Variants in PEAK1 observed in about 807,000 individuals in gnomAD.
PEAK1 encodes the protein pseudopodium enriched atypical kinase 1.
A neutral mutation model predicts 124.7 loss-of-function variants in PEAK1; 54 were observed. That is an observed-to-expected ratio of 0.43 (90% CI 0.35 to 0.54). PEAK1 has a LOEUF of 0.54. PEAK1 is among the 20% of genes least tolerant of loss of function. The pLI is 0.01. For missense variants in PEAK1, 2,046 were observed against 2,134.5 expected, an observed-to-expected ratio of 0.96 and a Z score of 0.82; for synonymous variants, 719 against 760.0, an observed-to-expected ratio of 0.95 and a Z score of 0.89.
chr15:77,334,362 AG>A, intron 2 of PEAK1: 1 of 985,088 alleles, frequency 1.0e-6, no homozygotes, highest in Non-Finnish European at 1.2e-6. Flanking sequence ...ACCAGAAGGA[AG>A]GCCTTTTATT....
At chr15:77,141,016 C>T (rs943760306) in intron 8 of PEAK1, among the ~76,000 whole-genome samples, 2 of 151,936 alleles carry the variant, frequency 1.3e-5, no homozygotes, top group South Asian at 2.1e-4. Flanking sequence ...TTCTATTCTA[C>T]GTTGTACAGG....
chr15:77,388,106 A>G (rs2070112392), intron 1 of PEAK1, among the ~76,000 whole-genome samples: 1 of 152,130 alleles, frequency 6.6e-6, no homozygotes, highest in Non-Finnish European at 1.5e-5. Flanking sequence ...AGGCAGGAGG[A>G]TCGCTTGAGC....
intron 1 of PEAK1, chr15:77,370,807 G>A (rs551484348): frequency 2.2e-4 from 192 of 859,888 alleles, no homozygotes; most frequent in Admixed American, 9.3e-4. Context: ...TGAAGCAGGC[G>A]GATAATGAGG....
intron 1 of PEAK1, chr15:77,418,730 T>C: frequency 3.0e-6 from 3 of 985,428 alleles, no homozygotes; most frequent in Non-Finnish European, 3.6e-6. Flanking sequence ...ATGGAAAGTT[T>C]TACCCCGGTG....
chr15:77,352,714 G>C, intron 2 of PEAK1: 1 of 954,338 alleles, frequency 1.0e-6, no homozygotes, highest in African/African-American at 1.8e-5. Context: ...GTTTCAAGAA[G>C]ATTTGAAATA....
At chr15:77,413,349 GA>G (rs2072570064) in intron 1 of PEAK1, among the ~76,000 whole-genome samples, 1 of 152,152 alleles carries the variant, frequency 6.6e-6, no homozygotes, top group Non-Finnish European at 1.5e-5. Context: ...TATGGGAAAG[GA>G]AAAATAGTAA....
chr15:77,178,368 T>C (rs941934734), intron 7 of PEAK1: 5 of 179,408 alleles, frequency 2.8e-5, no homozygotes, highest in African/African-American at 1.2e-4. Context: ...AACACCTTCA[T>C]AAAAAACAAA....
chr15:77,267,059 A>G (rs2061775819), intron 5 of PEAK1, among the ~76,000 whole-genome samples: 1 of 151,550 alleles, frequency 6.6e-6, no homozygotes, highest in African/African-American at 2.4e-5. Context: ...CTGTGTGAGG[A>G]CTCTGGCTGC....
chr15:77,153,516 C>G (rs909175176), intron 8 of PEAK1, among the ~76,000 whole-genome samples: 24 of 152,018 alleles, frequency 1.6e-4, no homozygotes, highest in African/African-American at 5.6e-4. Context: ...TTATTTCTTG[C>G]CTTCTGCTAG....
chr15:77,251,575 G>C (rs966904193), intron 6 of PEAK1, among the ~76,000 whole-genome samples: 3 of 152,008 alleles, frequency 2.0e-5, no homozygotes, highest in South Asian at 2.1e-4. Flanking sequence ...TACTGAATAG[G>C]AACTACTACC....
intron 6 of PEAK1, among the ~76,000 whole-genome samples, chr15:77,197,945 GA>G (rs895865926): frequency 6.1e-4 from 93 of 151,792 alleles, no homozygotes; most frequent in African/African-American, 2.2e-3. Flanking sequence ...AAAAAATTAT[GA>G]AAAAGATAGG....
rs1001286786 is a variant in PEAK1, at chr15:77,179,596, T to C, written c.2331A>G (p.Pro777=). The part of the protein sequence containing the change: ...LSQIVASIQP[P]QSPPETPQSG... The stretch of plus-strand genomic sequence containing the variant: ...ATTGAGGTGTTTCTGGAGGAGACTG[T>C]GGGGGTTGGATTGAAGCCACAATCT... The change falls in exon 7 of 10, where the codon CCA becomes CCG. Residue 777 remains proline, a synonymous_variant. Transcript: ENST00000682557. 1.1e-5 allele frequency: 17 copies of C among 1,613,870 alleles called. No homozygotes were observed. The Admixed American group carries it at 2.5e-4, about 24-fold the overall frequency.
intron 2 of PEAK1, among the ~76,000 whole-genome samples, chr15:77,328,116 G>A (rs1396725077): frequency 6.6e-6 from 1 of 152,090 alleles, no homozygotes; most frequent in East Asian, 1.9e-4. Context: ...TATACCACAT[G>A]TATTTTAATC....
chr15:77,162,493 C>CAAAAA (rs71143393), intron 7 of PEAK1, among the ~76,000 whole-genome samples: 9 of 70,418 alleles, frequency 1.3e-4, no homozygotes, highest in Admixed American at 5.1e-4. Flanking sequence ...GACTCCATCT[C>CAAAAA]AAAAAAAAAA....
Position 77,348,284 on chromosome 15 carries a change from T to C in PEAK1, c.-603+16879A>G, listed in dbSNP as rs933665283. Reference sequence around the variant, plus strand: ...GTACAACATCCCTGAGTCTCAATTTTCCTCATCAGTAAAATGAGTCTCATG... The same window carrying C: ...GTACAACATCCCTGAGTCTCAATTTCCCTCATCAGTAAAATGAGTCTCATG... On this transcript the variant is annotated intron_variant, in intron 2 of 9. Transcript: ENST00000682557. The C allele has an allele frequency of 3.3e-6, 3 of 901,664 alleles. No individual in the cohort carries two copies. In the Admixed American group the frequency reaches 1.9e-4, roughly 56 times the overall value. 55.9% of individuals were successfully genotyped at this position (901,664 alleles called of 1,614,324 possible).
At chr15:77,284,285 C>G (rs2062812315) in intron 4 of PEAK1, among the ~76,000 whole-genome samples, 1 of 152,190 alleles carries the variant, frequency 6.6e-6, no homozygotes, top group African/African-American at 2.4e-5. Context: ...GAAGTGATCT[C>G]TAAAGACTTA....
intron 2 of PEAK1, chr15:77,337,114 T>C (rs1372780504): frequency 1.0e-6 from 1 of 984,590 alleles, no homozygotes; most frequent in Non-Finnish European, 1.2e-6. Context: ...GATGCGGGGC[T>C]AGCCCTCAAG....
chr15:77,264,505 T>C (rs1430133595), intron 5 of PEAK1, among the ~76,000 whole-genome samples: 4 of 152,140 alleles, frequency 2.6e-5, no homozygotes, highest in Non-Finnish European at 5.9e-5. Context: ...CCATTCACAA[T>C]TGCTTCAAAG....
At position 77,133,039 on chromosome 15, in the gene PEAK1, T is replaced by A. The variant is rs147417507; in HGVS notation, c.4043A>T (p.Tyr1348Phe). The change falls in exon 9 of 10, where the codon TAT becomes TTT. Residue 1348 changes from tyrosine to phenylalanine, a missense_variant. Coordinates refer to ENST00000682557, the MANE Select transcript of PEAK1 (RefSeq NM_001385026.1). The surrounding 1 kb of genome is among the most constrained non-coding windows in gnomAD (Gnocchi z 4.2). Reference protein sequence around the residue: ...AGDAVYYTASYAKDPLNNYAV... With the variant: ...AGDAVYYTASFAKDPLNNYAV... Reference sequence around the variant, plus strand: ...ATAGTTATTAAGTGGATCTTTTGCATATGAAGCAGTATAGTAAACCGCATC... The same window carrying A: ...ATAGTTATTAAGTGGATCTTTTGCAAATGAAGCAGTATAGTAAACCGCATC... 3 of 1,612,484 alleles carry A rather than the reference T, an allele frequency of 1.9e-6. No homozygotes were observed. The Admixed American group carries it at 5.0e-5, about 27-fold the overall frequency.
Sources: allele counts gnomAD v4.1 joint callset (sites outside exome capture counted in the v4.1 genomes callset), GRCh38; gene constraint gnomAD v4.1.1; non-coding constraint Gnocchi (gnomAD v3.1); transcripts MANE v1.5; gene names NCBI Gene and HGNC (gene_info 2026-07-23, HGNC 2026-07-21).